MRPS6: variants seen among roughly 807,000 people sequenced by gnomAD.
MRPS6 encodes the protein mitochondrial ribosomal protein S6.
Under a neutral mutation model 13.1 loss-of-function variants are expected in MRPS6, and 6 were observed. That is an observed-to-expected ratio of 0.46 (90% CI 0.25 to 0.91). MRPS6 has a LOEUF of 0.91. MRPS6 is among the 40% of genes least tolerant of loss of function. The pLI is 0.18. For synonymous variants in MRPS6, 61 were observed against 56.5 expected (o/e 1.08, Z -0.36); for missense variants, 164 against 155.6 (o/e 1.05, Z -0.29).
intron 1 of MRPS6, among the ~76,000 whole-genome samples, chr21:34,075,058 T>G (rs1214723580): frequency 6.6e-6 from 1 of 152,232 alleles, no homozygotes; most frequent in African/African-American, 2.4e-5. Flanking sequence ...TCCTCCTTGC[T>G]TACCAGCATA....
chr21:34,120,717 A>G (rs922511914), intron 1 of MRPS6, among the ~76,000 whole-genome samples: 1 of 152,242 alleles, frequency 6.6e-6, no homozygotes. Flanking sequence ...GGAATTTGAT[A>G]TTTGAAATGT....
chr21:34,095,512 G>A, intron 1 of MRPS6: 1 of 1,613,914 alleles, frequency 6.2e-7, no homozygotes, highest in Middle Eastern at 1.7e-4. Context: ...ATCCGGTCAG[G>A]GGTATATACC....
At chr21:34,079,973 A>G (rs2148652803) in intron 1 of MRPS6, among the ~76,000 whole-genome samples, 1 of 152,200 alleles carries the variant, frequency 6.6e-6, no homozygotes, top group East Asian at 1.9e-4. Flanking sequence ...GGGCTGAACA[A>G]ATGCAGTTCT....
At chr21:34,077,020 C>T (rs142705153) in intron 1 of MRPS6, among the ~76,000 whole-genome samples, 1 of 152,156 alleles carries the variant, frequency 6.6e-6, no homozygotes, top group Admixed American at 6.5e-5. Context: ...AAATGGATTG[C>T]CTGTGAGATG....
chr21:34,075,153 T>A (rs564945719), intron 1 of MRPS6, among the ~76,000 whole-genome samples: 1 of 152,358 alleles, frequency 6.6e-6, no homozygotes, highest in Admixed American at 6.5e-5. Context: ...GTTTAAGCCC[T>A]CCCTTCAACT....
chr21:34,122,989 C>T (rs751956717), intron 1 of MRPS6: 3 of 152,142 alleles, frequency 2.0e-5, no homozygotes, highest in Non-Finnish European at 4.4e-5. Context: ...TTGCCTTAGA[C>T]TTTTTACCTA....
At chr21:34,097,153 G>T (rs762929400) in intron 1 of MRPS6, 1 of 1,614,060 alleles carries the variant, frequency 6.2e-7, no homozygotes, top group South Asian at 1.1e-5. Flanking sequence ...GATGATGGAG[G>T]TCGGTACTGG....
chr21:34,080,532 C>T (rs762253002), intron 1 of MRPS6, among the ~76,000 whole-genome samples: 20 of 152,176 alleles, frequency 1.3e-4, no homozygotes, highest in Admixed American at 3.3e-4. Flanking sequence ...GTCTCATGTT[C>T]TTCCAAGTTC....
intron 1 of MRPS6, among the ~76,000 whole-genome samples, chr21:34,093,572 A>T (rs1017857920): frequency 6.6e-6 from 1 of 151,762 alleles, no homozygotes; most frequent in African/African-American, 2.4e-5. Context: ...TTAAAAGGAA[A>T]ATGCCTAGAA....
rs558490991 is a variant in MRPS6, at chr21:34,099,219, T to A, written c.45+25474T>A. ...TTTTTTCTCAATTTTATTCTTGAGG[T>A]TTATAATTTGGGGGCCAAATAGATA... On this transcript the variant is annotated intron_variant, in intron 1 of 2. Coordinates refer to ENST00000399312, the MANE Select transcript of MRPS6 (RefSeq NM_032476.4). The A allele has an allele frequency of 2.5e-5, 25 of 1,000,200 alleles. No individual in the cohort carries two copies. The African/African-American group carries it at 4.0e-4, about 16-fold the overall frequency. 62.0% of individuals were successfully genotyped at this position (1,000,200 alleles called of 1,614,324 possible). A position where few individuals can be genotyped will look rare whatever the true frequency, so the allele number is the denominator to read the frequency against.
rs373418073 is a variant in MRPS6 at position 34,073,868 on chromosome 21, GGGGCGGCGGGC to G, written c.45+136_45+146del. ...CTTCCTGCACTCCTCGGAGGAGGCC[GGGGCGGCGGGC>G]GGGCGGCGGGCGTCCGCGGGAAGGG... is the stretch of plus-strand genomic sequence containing the variant. On this transcript the variant is annotated intron_variant, in intron 1 of 2. Transcript: ENST00000399312. 1.0e-3 allele frequency: 474 copies of G among 470,466 alleles called. 3 individuals carry two copies. The highest frequency in any genetic ancestry group is 7.4e-3 in the African/African-American group (343 of 46,442). 29.1% of individuals were successfully genotyped at this position (470,466 alleles called of 1,614,324 possible).
intron 2 of MRPS6, among the ~76,000 whole-genome samples, chr21:34,127,073 CT>C (rs1260373203): frequency 2.0e-5 from 3 of 152,230 alleles, no homozygotes; most frequent in Non-Finnish European, 4.4e-5. Context: ...GGGTTCCCCC[CT>C]GGCAAAGGTG....
intron 1 of MRPS6, among the ~76,000 whole-genome samples, chr21:34,091,171 A>G (rs1978665160): frequency 6.6e-6 from 1 of 152,198 alleles, no homozygotes; most frequent in South Asian, 2.1e-4. Flanking sequence ...CTCAGATTGT[A>G]CCTTGAGTGT....
intron 1 of MRPS6, among the ~76,000 whole-genome samples, chr21:34,088,911 T>C (rs1403428232): frequency 6.6e-6 from 1 of 152,182 alleles, no homozygotes; most frequent in African/African-American, 2.4e-5. Flanking sequence ...ATAACTCACT[T>C]ATCTTTGATA....
intron 1 of MRPS6, among the ~76,000 whole-genome samples, chr21:34,074,282 G>A (rs1215699441): frequency 1.3e-5 from 2 of 152,116 alleles, no homozygotes; most frequent in African/African-American, 2.4e-5. Context: ...TCCAAAGCTT[G>A]TTTGTGCCGT....
chr21:34,123,347 A>C (rs2148668305), intron 1 of MRPS6: 1 of 152,230 alleles, frequency 6.6e-6, no homozygotes, highest in Admixed American at 6.5e-5. Flanking sequence ...TTCCTCCTGC[A>C]CTTTAAAATC....
intron 1 of MRPS6, chr21:34,103,045 C>T: frequency 1.0e-6 from 1 of 999,910 alleles, no homozygotes; most frequent in Non-Finnish European, 1.2e-6. Flanking sequence ...ATAGCCTAGA[C>T]TTCTGTAAGT....
intron 1 of MRPS6, chr21:34,102,824 C>G: frequency 1.0e-6 from 1 of 1,000,108 alleles, no homozygotes; most frequent in Non-Finnish European, 1.2e-6. Flanking sequence ...AGCTTTTCCC[C>G]TCACTTCTAG....
At chr21:34,099,866 T>C (rs1032941051) in intron 1 of MRPS6, 1 of 427,498 alleles carries the variant, frequency 2.3e-6, no homozygotes, top group Non-Finnish European at 3.3e-6. Context: ...GTCTTTCTTA[T>C]TGCTTCCCAG....
Sources: allele counts gnomAD v4.1 joint callset (sites outside exome capture counted in the v4.1 genomes callset), GRCh38; gene constraint gnomAD v4.1.1; transcripts MANE v1.5; gene names NCBI Gene and HGNC (gene_info 2026-07-23, HGNC 2026-07-21).